The following CDH19 variants were observed in gnomAD, a reference collection of about 807,000 sequenced individuals.
CDH19 encodes the protein cadherin-19.
In CDH19, 67 loss-of-function variants were observed where a neutral mutation model predicts 64.2. That is an observed-to-expected ratio of 1.04 (90% CI 0.86 to 1.28). CDH19 has a LOEUF of 1.28. Ranked by LOEUF, CDH19 falls within the 50% of genes most tolerant of loss-of-function variation. CDH19 has a pLI of 0.00. For missense variants in CDH19, 1,030 were observed against 929.0 expected (o/e 1.11, Z -1.41); for synonymous variants, 346 against 319.3 (o/e 1.08, Z -0.89).
At chr18:66,560,693 C>A (rs1440053668) in intron 3 of CDH19, among the ~76,000 whole-genome samples, 2 of 151,812 alleles carry the variant, frequency 1.3e-5, no homozygotes, top group African/African-American at 4.8e-5. Flanking sequence ...TTACTCTTCC[C>A]AGCCTGGATT....
At chr18:66,524,801 C>T (rs1986157381) in intron 9 of CDH19, among the ~76,000 whole-genome samples, 1 of 151,674 alleles carries the variant, frequency 6.6e-6, no homozygotes, top group Admixed American at 6.6e-5. Context: ...ATTGTGTGTC[C>T]TTCATGTTTT....
chr18:66,565,614 G>A (rs17799542), intron 3 of CDH19, among the ~76,000 whole-genome samples: 22,813 of 151,736 alleles, frequency 0.15, 1,840 homozygotes, highest in South Asian at 0.25. Context: ...AAAACCCGCA[G>A]TATTCATTAA....
chr18:66,553,146 T>C, intron 4 of CDH19, among the ~76,000 whole-genome samples: 1 of 134,722 alleles, frequency 7.4e-6, no homozygotes. Flanking sequence ...TGTGTATTAC[T>C]ATTCATGTTT....
intron 2 of CDH19, among the ~76,000 whole-genome samples, chr18:66,571,069 T>C (rs1469512299): frequency 2.0e-5 from 3 of 151,608 alleles, no homozygotes. Flanking sequence ...GGTTGAGAAA[T>C]ATTTCTTGTA....
intron 1 of CDH19, among the ~76,000 whole-genome samples, chr18:66,581,335 A>T (rs1210271334): frequency 6.6e-6 from 1 of 152,144 alleles, no homozygotes; most frequent in Non-Finnish European, 1.5e-5. Context: ...GCCAAGTAAA[A>T]TTGCGAGTAT....
chr18:66,563,882 C>CT (rs1987811254), intron 3 of CDH19, among the ~76,000 whole-genome samples: 1 of 151,766 alleles, frequency 6.6e-6, no homozygotes, highest in Non-Finnish European at 1.5e-5. Context: ...TTTTTGACAC[C>CT]TCTACTTTTT....
intron 4 of CDH19, 147 bp downstream of exon 4, chr18:66,554,258 A>C: frequency 1.4e-6 from 1 of 691,298 alleles, no homozygotes; most frequent in Non-Finnish European, 2.3e-6. Flanking sequence ...TAAAAGACTA[A>C]AAGTAATTAA....
Position 66,554,450 on chromosome 18 carries a change from T to C in CDH19, c.565A>G (p.Ser189Gly). ...AAATATGGCTGGCCTTGAAGTAAGC[T>C]GTAGAGGAGACGAGCATTATTACCA... ...SSGNNARLLY[S>G]LLQGQPYFSV... Residue 189 changes from serine to glycine, a missense_variant, in exon 4 of 12, where the codon AGC (serine) becomes GGC (glycine). Transcript: ENST00000262150. 6.2e-7 allele frequency: 1 copy of C among 1,612,046 alleles called. No homozygotes were observed. Among genetic ancestry groups the C allele is most frequent in the Non-Finnish European group, 8.5e-7 (1 of 1,178,600 alleles).
chr18:66,543,993 C>A lies in CDH19; in HGVS notation c.1192G>T (p.Asp398Tyr). 6.2e-7 allele frequency: 1 copy of A among 1,613,264 alleles called. No homozygotes were observed. Among genetic ancestry groups the A allele is most frequent in the South Asian group, 1.1e-5 (1 of 91,038 alleles). Residue 398 changes from aspartate (D) to tyrosine (Y), a missense_variant, in exon 7 of 12, where the codon GAC becomes TAC. Asp to Tyr is a radical substitution (Grantham distance 160). Transcript: ENST00000262150. ...TACCTGATAGGAGATTTCCTATTGT[C>A]TGGGTCTGTGGCAGACACCACGCCT... ...FVGVVSATDPDNRKSPIRYSI... is the reference protein window; with the variant it reads ...FVGVVSATDPYNRKSPIRYSI...
At chr18:66,536,619 G>C (rs560963995) in intron 7 of CDH19, among the ~76,000 whole-genome samples, 2 of 151,642 alleles carry the variant, frequency 1.3e-5, no homozygotes, top group Non-Finnish European at 3.0e-5. Context: ...CAATAAATTG[G>C]TTCAGTTCCC....
chr18:66,518,936 G>C (rs1057062127), intron 9 of CDH19, among the ~76,000 whole-genome samples: 2 of 152,046 alleles, frequency 1.3e-5, no homozygotes, highest in African/African-American at 4.8e-5. Context: ...TGTGCATGCA[G>C]TCTCTCAGAC....
intron 1 of CDH19, among the ~76,000 whole-genome samples, chr18:66,576,064 A>G (rs550931840): frequency 1.1e-4 from 16 of 151,792 alleles, no homozygotes; most frequent in African/African-American, 3.6e-4. Flanking sequence ...AGAGTTTACT[A>G]CAGGCTACAA....
intron 5 of CDH19, among the ~76,000 whole-genome samples, chr18:66,549,465 C>G (rs1309146772): frequency 6.6e-6 from 1 of 151,940 alleles, no homozygotes; most frequent in Non-Finnish European, 1.5e-5. Context: ...TGGTGTTCTC[C>G]TCTTGCCTTC....
intron 1 of CDH19, among the ~76,000 whole-genome samples, chr18:66,580,007 T>C (rs962570263): frequency 2.0e-5 from 3 of 152,026 alleles, no homozygotes; most frequent in African/African-American, 4.8e-5. Flanking sequence ...TTGATAATAA[T>C]TGTTGAGTTC....
intron 3 of CDH19, among the ~76,000 whole-genome samples, chr18:66,560,163 C>T (rs1987669014): frequency 1.3e-5 from 2 of 152,022 alleles, no homozygotes; most frequent in East Asian, 1.9e-4. Context: ...AGTAGTTGCA[C>T]TAATAACGAG....
chr18:66,542,628 G>A (rs1986933089), intron 7 of CDH19, among the ~76,000 whole-genome samples: 1 of 152,116 alleles, frequency 6.6e-6, no homozygotes, highest in Non-Finnish European at 1.5e-5. Flanking sequence ...TCCTTTAAGT[G>A]GTATCCTGTA....
intron 3 of CDH19, among the ~76,000 whole-genome samples, chr18:66,555,477 C>A (rs1016695032): frequency 2.0e-5 from 3 of 151,672 alleles, no homozygotes; most frequent in Non-Finnish European, 4.4e-5. Context: ...CTAAATAGTA[C>A]ATATTCTTTG....
In CDH19 at chr18:66,534,982, T is replaced by C; in HGVS notation, c.1336+4A>G. ...ACTGTATTGGATTTCAAATGAGTAC[T>C]TACATTTTTCTGTGGCTGTAATACT... On this transcript the variant is annotated splice_donor_region_variant and intron_variant, in intron 8 of 11. Transcript: ENST00000262150. 1 of 1,451,308 alleles carries C rather than the reference T, an allele frequency of 6.9e-7. No homozygotes were observed. Among genetic ancestry groups the C allele is most frequent in the South Asian group, 1.6e-5 (1 of 64,498 alleles). 89.9% of individuals were successfully genotyped at this position (1,451,308 alleles called of 1,614,324 possible).
At chr18:66,578,821 A>G (rs544071068) in intron 1 of CDH19, among the ~76,000 whole-genome samples, 57 of 152,144 alleles carry the variant, frequency 3.7e-4, no homozygotes, top group African/African-American at 1.3e-3. Context: ...CTCAGTAGTG[A>G]AAAGAAATGA....
Sources: allele counts gnomAD v4.1 joint callset (sites outside exome capture counted in the v4.1 genomes callset), GRCh38; gene constraint gnomAD v4.1.1; transcripts MANE v1.5; gene names NCBI Gene and HGNC (gene_info 2026-07-23, HGNC 2026-07-21).